PRKD3: variants seen among roughly 807,000 people sequenced by gnomAD.
PRKD3 encodes protein kinase D3, also known as serine/threonine-protein kinase D3.
Under a neutral mutation model 99.2 loss-of-function variants are expected in PRKD3, and 47 were observed. The ratio of observed to expected loss-of-function variants is 0.47; its 90% confidence interval spans 0.38 to 0.60. PRKD3 has a LOEUF of 0.60. PRKD3 is among the 20% of genes least tolerant of loss of function. The pLI, the probability that PRKD3 is intolerant of heterozygous loss-of-function variation, is 0.00. For synonymous variants in PRKD3, 392 were observed against 355.4 expected, an observed-to-expected ratio of 1.10 and a Z score of -1.16; for missense variants, 1,019 against 1,088.4, an observed-to-expected ratio of 0.94 and a Z score of 0.90.
At chr2:37,299,669 A>G (rs973017528) in intron 2 of PRKD3, among the ~76,000 whole-genome samples, 2 of 152,150 alleles carry the variant, frequency 1.3e-5, no homozygotes, top group Non-Finnish European at 2.9e-5. Flanking sequence ...ATATATAAGG[A>G]GCTCAAATGA....
intron 8 of PRKD3, chr2:37,278,295 A>G (rs1470241880): frequency 2.2e-5 from 4 of 183,306 alleles, no homozygotes; most frequent in Admixed American, 6.0e-5. Context: ...GGAGCCCAGG[A>G]GAGGTTCTCA....
At chr2:37,289,243 A>G (rs1670269161) in intron 5 of PRKD3, 113 bp downstream of exon 5, 1 of 1,256,184 alleles carries the variant, frequency 8.0e-7, no homozygotes, top group African/African-American at 1.5e-5. Flanking sequence ...TCTTAAGTGT[A>G]GGAACATTAC....
chr2:37,261,050 G>T (rs927032107), intron 14 of PRKD3, among the ~76,000 whole-genome samples: 1 of 152,186 alleles, frequency 6.6e-6, no homozygotes, highest in African/African-American at 2.4e-5. Flanking sequence ...AACACCTTCA[G>T]TGGCTCTTTA....
intron 3 of PRKD3, among the ~76,000 whole-genome samples, chr2:37,291,374 C>T (rs1184534067): frequency 2.0e-5 from 3 of 152,166 alleles, no homozygotes; most frequent in African/African-American, 4.8e-5. Context: ...TTTATGGAAA[C>T]GTTTCTGTGG....
Position 37,251,979 on chromosome 2 carries a change from T to C in PRKD3, c.*1198A>G, listed in dbSNP as rs957921370. 1 of 152,184 alleles carries C rather than the reference T, an allele frequency of 6.6e-6. No individual in the cohort carries two copies. The allele number at this position is 152,184 out of a possible 1,614,324, so 9.4% of individuals were successfully genotyped here. On this transcript the variant is annotated 3_prime_UTR_variant, in exon 19 of 19. Coordinates refer to ENST00000234179, the MANE Select transcript of PRKD3 (RefSeq NM_005813.6). ...CACATCTTAAACTTTGGGGAAGATA[T>C]TTAAAAATATTTTTTAAATAGCTGG...
intron 2 of PRKD3, among the ~76,000 whole-genome samples, chr2:37,299,034 C>G (rs1670796483): frequency 6.6e-6 from 1 of 152,076 alleles, no homozygotes; most frequent in Non-Finnish European, 1.5e-5. Flanking sequence ...CAGTTTTTTC[C>G]CATTCAGTAT....
chr2:37,267,569 G>T, intron 13 of PRKD3, 33 bp from the exon 14 acceptor site: 1 of 1,447,844 alleles, frequency 6.9e-7, no homozygotes, highest in Non-Finnish European at 9.7e-7. Context: ...AACGAATGAA[G>T]CAAACTGACA....
Position 37,293,161 on chromosome 2 carries a change from T to C in PRKD3, c.399A>G (p.Glu133=). 1 of 1,598,600 alleles carries C rather than the reference T, an allele frequency of 6.3e-7. No individual in the cohort carries two copies. The highest frequency in any genetic ancestry group is 8.6e-7 in the Non-Finnish European group (1 of 1,167,494). ...AAAGAACCACTTCCACTAGGTCTCC[T>C]TCATGTATTTCATCTGCTGAGGTAA... The part of the protein sequence containing the change: ...QLITSADEIH[E]GDLVEVVLSA... The change falls in exon 3 of 19, where the codon GAA becomes GAG. Residue 133 remains glutamate (E), a synonymous_variant. Transcript: ENST00000234179.
chr2:37,291,413 C>G (rs1363100181), intron 3 of PRKD3, among the ~76,000 whole-genome samples: 2 of 152,216 alleles, frequency 1.3e-5, no homozygotes, highest in African/African-American at 4.8e-5. Context: ...AATTTAGGAT[C>G]CCAGGATATA....
chr2:37,311,542 T>C (rs993800902), intron 2 of PRKD3, among the ~76,000 whole-genome samples: 14 of 152,136 alleles, frequency 9.2e-5, no homozygotes, highest in East Asian at 3.9e-4. Context: ...TAACACTATT[T>C]AGCTCTCTGC....
At chr2:37,261,265 T>G (rs1471289277) in intron 14 of PRKD3, among the ~76,000 whole-genome samples, 1 of 151,698 alleles carries the variant, frequency 6.6e-6, no homozygotes, top group Non-Finnish European at 1.5e-5. Flanking sequence ...GGCAGGTGGA[T>G]CATTTGAGGT....
chr2:37,303,532 G>C (rs1671031433), intron 2 of PRKD3, among the ~76,000 whole-genome samples: 2 of 151,964 alleles, frequency 1.3e-5, no homozygotes, highest in Non-Finnish European at 2.9e-5. Flanking sequence ...GGGCCCTTAG[G>C]TTGAAGGGCC....
intron 14 of PRKD3, among the ~76,000 whole-genome samples, chr2:37,261,913 C>T (rs568983023): frequency 2.6e-5 from 4 of 152,230 alleles, no homozygotes; most frequent in South Asian, 4.1e-4. Flanking sequence ...ACAACCATTC[C>T]GTTTTTTTGA....
chr2:37,274,788 G>A (rs1669477152), intron 10 of PRKD3, 91 bp from the exon 11 acceptor site: 1 of 1,240,944 alleles, frequency 8.1e-7, no homozygotes, highest in Non-Finnish European at 1.1e-6. Context: ...GCATTTCAAT[G>A]AATGCCATTA....
At position 37,251,599 on chromosome 2, in the gene PRKD3, T is replaced by C. The variant is rs1249838853; in HGVS notation, c.*1578A>G. 1 of 152,422 alleles carries C rather than the reference T, an allele frequency of 6.6e-6. No homozygotes were observed. The highest frequency in any genetic ancestry group is 2.1e-4 in the South Asian group (1 of 4,832). The allele number at this position is 152,422 out of a possible 1,614,324, so 9.4% of individuals were successfully genotyped here. On this transcript the variant is annotated 3_prime_UTR_variant, in exon 19 of 19. Coordinates refer to ENST00000234179, the MANE Select transcript of PRKD3 (RefSeq NM_005813.6). ...ATGTCGAAAGGCCTTCTCAGTCTGT[T>C]CATGTACCAGAACATTCTTTTTTTT...
In PRKD3 at chr2:37,252,287, G is replaced by C. The variant is rs1398150694; in HGVS notation, c.*890C>G. On this transcript the variant is annotated 3_prime_UTR_variant, in exon 19 of 19. Coordinates refer to ENST00000234179, the MANE Select transcript of PRKD3 (RefSeq NM_005813.6). The stretch of plus-strand genomic sequence containing the variant: ...AATTACTGACTGAACCCTAGGTAAA[G>C]ATAAATTGTGTAAAGCCGAGATCTG... 1.5e-5 allele frequency: 2 copies of C among 134,308 alleles called. No individual in the cohort carries two copies. The highest frequency in any genetic ancestry group is 2.4e-4 in the South Asian group (1 of 4,194). The allele number at this position is 134,308 out of a possible 1,614,324, so 8.3% of individuals were successfully genotyped here.
chr2:37,270,365 A>AC (rs936398493), intron 12 of PRKD3, among the ~76,000 whole-genome samples: 7 of 151,616 alleles, frequency 4.6e-5, no homozygotes, highest in African/African-American at 1.7e-4. Flanking sequence ...AAAAAAAAAA[A>AC]AAACTCAAAA....
intron 2 of PRKD3, among the ~76,000 whole-genome samples, chr2:37,315,406 TA>T (rs1033941539): frequency 7.2e-5 from 11 of 152,172 alleles, no homozygotes; most frequent in Admixed American, 1.3e-4. Context: ...ACCTATTTTT[TA>T]AAAGACAGAA....
intron 2 of PRKD3, among the ~76,000 whole-genome samples, chr2:37,298,236 T>C (rs181831061): frequency 8.5e-5 from 13 of 152,326 alleles, no homozygotes; most frequent in East Asian, 1.9e-4. Flanking sequence ...AACCGTCCTG[T>C]AGTCAACAGT....
Sources: gnomAD v4.1 joint callset for allele counts (sites outside exome capture counted in the v4.1 genomes callset) on GRCh38, gnomAD v4.1.1 for gene constraint, MANE v1.5 for transcripts, NCBI Gene and HGNC (gene_info 2026-07-23, HGNC 2026-07-21) for gene names.